Variants in OSBP2 observed in about 807,000 individuals in gnomAD.
OSBP2 encodes oxysterol binding protein 2, also known as oxysterol-binding protein 2.
OSBP2 carries 66 observed loss-of-function variants against 96.0 expected under a neutral mutation model. That is an observed-to-expected ratio of 0.69 (90% confidence interval 0.56 to 0.84). The LOEUF (loss-of-function observed/expected upper bound fraction) is 0.84, where lower values mean the gene tolerates loss of function less well. OSBP2 is among the 40% of genes least tolerant of loss of function. OSBP2 has a pLI of 0.00. For synonymous variants in OSBP2, 525 were observed against 520.9 expected, an observed-to-expected ratio of 1.01 and a Z score of -0.11; for missense variants, 1,038 against 1,222.7, an observed-to-expected ratio of 0.85 and a Z score of 2.25.
chr22:30,733,880 G>T (rs2089815423), intron 1 of OSBP2, among the ~76,000 whole-genome samples: 1 of 152,156 alleles, frequency 6.6e-6, no homozygotes, highest in Admixed American at 6.6e-5. Flanking sequence ...CAGTTAAATT[G>T]TACTGCAGAT....
chr22:30,870,358 G>C lies in OSBP2; in HGVS notation c.854-71G>C, dbSNP rs956738687. The C allele has an allele frequency of 2.0e-6, 3 of 1,525,814 alleles. No homozygotes were observed. Among genetic ancestry groups the C allele is most frequent in the Non-Finnish European group, 2.7e-6 (3 of 1,114,948 alleles). 94.5% of individuals were successfully genotyped at this position (1,525,814 alleles called of 1,614,324 possible). A position where few individuals can be genotyped will look rare whatever the true frequency, so the allele number is the denominator to read the frequency against. ...GGCGCTATCCACCCTGCCCTGCTCG[G>C]CCTGGCTGTGCAGGCCTCTTGGTAC... On this transcript the variant is annotated intron_variant, in intron 2 of 13. Coordinates refer to ENST00000332585, the MANE Select transcript of OSBP2 (RefSeq NM_030758.4). This position sits in a 1 kb window ranked among gnomAD's most constrained non-coding sequence, Gnocchi z 4.1.
At chr22:30,884,772 C>T (rs796251390) in intron 3 of OSBP2, among the ~76,000 whole-genome samples, 30 of 152,260 alleles carry the variant, frequency 2.0e-4, no homozygotes, top group African/African-American at 7.0e-4. Flanking sequence ...CTCCTGAGGC[C>T]GCCTCAGGAC....
intron 2 of OSBP2, among the ~76,000 whole-genome samples, chr22:30,816,126 A>C (rs745593020): frequency 6.6e-6 from 1 of 151,332 alleles, no homozygotes; most frequent in African/African-American, 2.4e-5. Context: ...TTAAATAATT[A>C]AAAAAAAATA....
At chr22:30,700,215 C>T (rs191517355) in intron 1 of OSBP2, among the ~76,000 whole-genome samples, 8 of 152,090 alleles carry the variant, frequency 5.3e-5, no homozygotes, top group East Asian at 3.9e-4. Context: ...CCGCTTGCCT[C>T]GGCCTCCCAA....
chr22:30,780,454 G>T (rs948615893), intron 2 of OSBP2, among the ~76,000 whole-genome samples: 2 of 152,178 alleles, frequency 1.3e-5, no homozygotes, highest in South Asian at 4.1e-4. Flanking sequence ...CCACATTGTT[G>T]TAATGCACCC....
intron 3 of OSBP2, among the ~76,000 whole-genome samples, chr22:30,875,689 A>G (rs1191474125): frequency 2.6e-5 from 4 of 152,258 alleles, no homozygotes; most frequent in Admixed American, 2.6e-4. Context: ...GGTTCTTTCT[A>G]GCCGGACTCA....
chr22:30,791,913 A>G (rs983756611), intron 2 of OSBP2, among the ~76,000 whole-genome samples: 1 of 152,182 alleles, frequency 6.6e-6, no homozygotes, highest in African/African-American at 2.4e-5. Flanking sequence ...TTATCACTCA[A>G]TGGGTATATA....
chr22:30,778,331 A>C (rs544428646), intron 2 of OSBP2, among the ~76,000 whole-genome samples: 14 of 151,262 alleles, frequency 9.3e-5, no homozygotes, highest in South Asian at 4.2e-4. Flanking sequence ...ACACACACAC[A>C]CACCCACTGA....
At chr22:30,698,169 G>A (rs1440629988) in intron 1 of OSBP2, among the ~76,000 whole-genome samples, 3 of 152,142 alleles carry the variant, frequency 2.0e-5, no homozygotes, top group Non-Finnish European at 4.4e-5. Context: ...GCCCAGTGCC[G>A]TGCATGTGTG....
rs758555464 is a variant in OSBP2 at position 30,889,473 on chromosome 22, C to A, written c.1477-17C>A. The A allele has an allele frequency of 1.5e-5, 24 of 1,613,790 alleles. No individual in the cohort carries two copies. The highest frequency in any genetic ancestry group is 1.9e-5 in the Non-Finnish European group (23 of 1,179,906). On this transcript the variant is annotated splice_polypyrimidine_tract_variant and intron_variant, in intron 6 of 13. Transcript: ENST00000332585. Reference sequence around the variant, plus strand: ...TGGCCTCTGCTGACGGTGAGGGGGTCCCCACTTATGTGGCAGGTACTAGAT... The same window carrying A: ...TGGCCTCTGCTGACGGTGAGGGGGTACCCACTTATGTGGCAGGTACTAGAT...
At chr22:30,762,741 C>T (rs1259185518) in intron 2 of OSBP2, among the ~76,000 whole-genome samples, 1 of 152,190 alleles carries the variant, frequency 6.6e-6, no homozygotes, top group Non-Finnish European at 1.5e-5. Flanking sequence ...TGTTTACCCT[C>T]CAGGGAGAGG....
At chr22:30,792,137 C>A (rs1180948476) in intron 2 of OSBP2, among the ~76,000 whole-genome samples, 1 of 151,958 alleles carries the variant, frequency 6.6e-6, no homozygotes, top group Non-Finnish European at 1.5e-5. Context: ...CATGGTGAAA[C>A]CCCGTTTCTA....
At chr22:30,707,620 G>A (rs1463924670) in intron 1 of OSBP2, among the ~76,000 whole-genome samples, 1 of 151,514 alleles carries the variant, frequency 6.6e-6, no homozygotes, top group Non-Finnish European at 1.5e-5. Context: ...GGGAGGCTGA[G>A]GCAGAGGAAT....
chr22:30,810,475 A>T (rs949984112), intron 2 of OSBP2, among the ~76,000 whole-genome samples: 1 of 152,130 alleles, frequency 6.6e-6, no homozygotes, highest in Admixed American at 6.5e-5. Flanking sequence ...GTGAGTGCAG[A>T]TGCATGCCTG....
At chr22:30,902,275 T>A in intron 12 of OSBP2, 1 of 1,589,868 alleles carries the variant, frequency 6.3e-7, no homozygotes, top group East Asian at 2.2e-5. Flanking sequence ...GCGACATAGA[T>A]GCTATCTTTA....
intron 2 of OSBP2, among the ~76,000 whole-genome samples, chr22:30,845,184 A>G (rs1005225942): frequency 6.6e-6 from 1 of 152,204 alleles, no homozygotes; most frequent in African/African-American, 2.4e-5. Context: ...CAATCCCAGT[A>G]CTCTGGGAGG....
chr22:30,745,429 G>T (rs1238207459), intron 2 of OSBP2, among the ~76,000 whole-genome samples: 1 of 152,150 alleles, frequency 6.6e-6, no homozygotes, highest in Non-Finnish European at 1.5e-5. Context: ...GGAGGCCAAG[G>T]TGGGCAGATC....
At position 30,792,680 on chromosome 22, in the gene OSBP2, A is replaced by G. The variant is rs1034741377; in HGVS notation, c.853+51311A>G. ...TTATCATTGGTTGGCAACATGTTTT[A>G]TAGAGATAAAAGTTGATTGGCAGCT... On this transcript the variant is annotated intron_variant, in intron 2 of 13. Coordinates refer to ENST00000332585, the MANE Select transcript of OSBP2 (RefSeq NM_030758.4). Among the ~76,000 whole-genome samples the G allele has an allele frequency of 2.0e-4, 31 of 152,318 alleles. No individual in the cohort carries two copies. The Middle Eastern group carries it at 0.01, about 50-fold the overall frequency.
intron 1 of OSBP2, among the ~76,000 whole-genome samples, chr22:30,736,595 T>C (rs1170064548): frequency 6.6e-6 from 1 of 152,202 alleles, no homozygotes; most frequent in African/African-American, 2.4e-5. Context: ...ATAACTTAGA[T>C]TTACAGAAAA....
Sources: gnomAD v4.1 joint callset for allele counts (sites outside exome capture counted in the v4.1 genomes callset) on GRCh38, gnomAD v4.1.1 for gene constraint, Gnocchi (gnomAD v3.1) non-coding constraint, MANE v1.5 for transcripts, NCBI Gene and HGNC (gene_info 2026-07-23, HGNC 2026-07-21) for gene names.